The following LHCGR variants were observed in gnomAD, a reference collection of about 807,000 sequenced individuals.
The protein encoded by LHCGR is luteinizing hormone/choriogonadotropin receptor.
Under a neutral mutation model 60.7 loss-of-function variants are expected in LHCGR, and 55 were observed. The ratio of observed to expected loss-of-function variants is 0.91; its 90% confidence interval spans 0.73 to 1.13. The LOEUF (loss-of-function observed/expected upper bound fraction) is 1.13, where lower values mean the gene tolerates loss of function less well. Among genes scored for constraint, LHCGR ranks in the 50% most tolerant of loss-of-function variants. The pLI is 0.00. For missense variants in LHCGR, 862 were observed against 836.0 expected (o/e 1.03, Z -0.38); for synonymous variants, 337 against 316.5 (o/e 1.06, Z -0.69).
chr2:48,744,537 A>G (rs77164032), intron 1 of LHCGR, among the ~76,000 whole-genome samples: 13 of 100,622 alleles, frequency 1.3e-4, no homozygotes, highest in African/African-American at 3.8e-4. Flanking sequence ...CAGAAATAAC[A>G]CCGCATATCT....
chr2:48,732,390 C>T (rs1033794182), intron 1 of LHCGR, among the ~76,000 whole-genome samples: 6 of 152,176 alleles, frequency 3.9e-5, no homozygotes, highest in Non-Finnish European at 7.3e-5. Context: ...TAGGAAAGAA[C>T]ACCTCCATGA....
chr2:48,703,751 T>A (rs1667522906), intron 8 of LHCGR, among the ~76,000 whole-genome samples: 1 of 152,238 alleles, frequency 6.6e-6, no homozygotes, highest in Non-Finnish European at 1.5e-5. Flanking sequence ...TCCCAAGACT[T>A]CGCTGAAGTT....
chr2:48,731,120 C>T, intron 2 of LHCGR, 107 bp downstream of exon 2: 5 of 742,470 alleles, frequency 6.7e-6, no homozygotes, highest in Non-Finnish European at 1.2e-5. Flanking sequence ...GTATCCTAAA[C>T]ACAATTTCTT....
chr2:48,689,951 T>C (rs1680136942), intron 10 of LHCGR, among the ~76,000 whole-genome samples: 1 of 152,162 alleles, frequency 6.6e-6, no homozygotes, highest in Non-Finnish European at 1.5e-5. Flanking sequence ...CCTGACCTCG[T>C]GATCTGCCCG....
intron 1 of LHCGR, among the ~76,000 whole-genome samples, chr2:48,754,616 A>T (rs891862132): frequency 6.6e-6 from 1 of 151,792 alleles, no homozygotes; most frequent in African/African-American, 2.4e-5. Context: ...CCAAGCCCAT[A>T]CCCACTGATT....
Position 48,729,207 on chromosome 2 carries a change from G to T in LHCGR, c.254C>A (p.Ser85Tyr). 6.2e-7 allele frequency: 1 copy of T among 1,610,078 alleles called. No homozygotes were observed. The highest frequency in any genetic ancestry group is 8.5e-7 in the Non-Finnish European group (1 of 1,177,596). ...GGCATTAGCTTCTATCCTTTCCAGG[G>T]AATCAATCTGAGAGATTTCACTAGG... ...VIKIEISQID[S>Y]LERIEANAFD... Residue 85 changes from serine (S) to tyrosine (Y), a missense_variant, in exon 3 of 11, where the codon TCC (serine) becomes TAC (tyrosine). Transcript: ENST00000294954.
At chr2:48,712,302 G>A (rs1046678202) in intron 7 of LHCGR, among the ~76,000 whole-genome samples, 8 of 152,004 alleles carry the variant, frequency 5.3e-5, no homozygotes, top group South Asian at 2.1e-4. Flanking sequence ...CCTGTAGGGC[G>A]ACACTAGGAC....
At chr2:48,727,646 G>T (rs1668795726) in intron 3 of LHCGR, among the ~76,000 whole-genome samples, 1 of 152,220 alleles carries the variant, frequency 6.6e-6, no homozygotes, top group Admixed American at 6.5e-5. Flanking sequence ...GTCTGTAATT[G>T]TAATGAGCCC....
rs1679955094 is a variant in LHCGR at position 48,687,588 on chromosome 2, A to C, written c.*109T>G. On this transcript the variant is annotated 3_prime_UTR_variant, in exon 11 of 11. Transcript: ENST00000294954. ...AGAGGTCTCTTGCCTAATGTACCTAAAAATAAATAATTTCCTAAATCCAAC... is the reference window on the plus strand; with the variant it reads ...AGAGGTCTCTTGCCTAATGTACCTACAAATAAATAATTTCCTAAATCCAAC... The C allele has an allele frequency of 1.1e-6, 1 of 939,394 alleles. No homozygotes were observed. The highest frequency in any genetic ancestry group is 1.7e-6 in the Non-Finnish European group (1 of 596,580). 58.2% of individuals were successfully genotyped at this position (939,394 alleles called of 1,614,324 possible).
At chr2:48,751,437 C>A (rs1669951268) in intron 1 of LHCGR, among the ~76,000 whole-genome samples, 1 of 152,218 alleles carries the variant, frequency 6.6e-6, no homozygotes, top group Non-Finnish European at 1.5e-5. Context: ...CTCTTTCCTT[C>A]TTCACAGTTC....
At chr2:48,747,111 A>T (rs1669744691) in intron 1 of LHCGR, among the ~76,000 whole-genome samples, 1 of 146,708 alleles carries the variant, frequency 6.8e-6, no homozygotes, top group Non-Finnish European at 1.5e-5. Flanking sequence ...TCTTTTTATG[A>T]GGCAGTCTCG....
At chr2:48,741,550 G>C (rs1467022188) in intron 1 of LHCGR, among the ~76,000 whole-genome samples, 4 of 151,820 alleles carry the variant, frequency 2.6e-5, no homozygotes, top group Non-Finnish European at 5.9e-5. Context: ...CATTCTTAAA[G>C]AAAAGAATTT....
Position 48,729,161 on chromosome 2 carries a change from C to G in LHCGR, c.300G>C (p.Leu100Phe). Residue 100 changes from leucine (L) to phenylalanine (F), a missense_variant, in exon 3 of 11, where the codon TTG becomes TTC. Transcript: ENST00000294954. ...TGTTAGCTGATGCTTACATTTCAGA[C>G]AAATTGAGGAGGTTGTCAAAGGCAT... ...EANAFDNLLNLSEILIQNTKN... is the reference protein window; with the variant it reads ...EANAFDNLLNFSEILIQNTKN... The G allele has an allele frequency of 6.2e-7, 1 of 1,610,178 alleles. No individual in the cohort carries two copies. The highest frequency in any genetic ancestry group is 2.2e-5 in the East Asian group (1 of 44,868).
At chr2:48,703,742 C>G (rs1241484168) in intron 8 of LHCGR, among the ~76,000 whole-genome samples, 3 of 152,146 alleles carry the variant, frequency 2.0e-5, no homozygotes, top group African/African-American at 7.2e-5. Flanking sequence ...GATCTTGTAT[C>G]CCAAGACTTC....
At chr2:48,690,859 G>T (rs1680198952) in intron 10 of LHCGR, among the ~76,000 whole-genome samples, 1 of 152,166 alleles carries the variant, frequency 6.6e-6, no homozygotes, top group Non-Finnish European at 1.5e-5. Flanking sequence ...CAGAGGACTA[G>T]GTTTTACTTA....
rs773654846 is a variant in LHCGR, at chr2:48,687,945, C to T, written c.1852G>A (p.Ala618Thr). Residue 618 changes from alanine to threonine, a missense_variant, in exon 11 of 11, where the codon GCC becomes ACC. Coordinates refer to ENST00000294954, the MANE Select transcript of LHCGR (RefSeq NM_000233.4). ...AATATTGCATACAGAAATGGATTGG[C>T]ACAAGAATTGATGGGATAAAAAAGA... ...LVLFYPINSC[A>T]NPFLYAIFTK... 7 of 1,613,878 alleles carry T rather than the reference C, an allele frequency of 4.3e-6. No homozygotes were observed. The highest frequency in any genetic ancestry group is 2.2e-5 in the East Asian group (1 of 44,880).
At chr2:48,751,767 A>G (rs1669966600) in intron 1 of LHCGR, among the ~76,000 whole-genome samples, 1 of 152,212 alleles carries the variant, frequency 6.6e-6, no homozygotes, top group African/African-American at 2.4e-5. Context: ...CATTGAAAGT[A>G]ATGGCAATTA....
At chr2:48,702,178 C>G (rs1296533804) in intron 8 of LHCGR, among the ~76,000 whole-genome samples, 6 of 152,042 alleles carry the variant, frequency 3.9e-5, no homozygotes, top group South Asian at 2.1e-4. Context: ...AGCTTCAGCT[C>G]TCTGCAGGAT....
intron 1 of LHCGR, among the ~76,000 whole-genome samples, chr2:48,754,017 C>T (rs1023049210): frequency 1.3e-5 from 2 of 152,066 alleles, no homozygotes; most frequent in African/African-American, 4.8e-5. Flanking sequence ...GTTAGTAGTA[C>T]AGTCATTCTT....
Sources: allele counts gnomAD v4.1 joint callset (sites outside exome capture counted in the v4.1 genomes callset), GRCh38; gene constraint gnomAD v4.1.1; transcripts MANE v1.5; gene names NCBI Gene and HGNC (gene_info 2026-07-23, HGNC 2026-07-21).